MTCL2: variants seen among roughly 807,000 people sequenced by gnomAD.
MTCL2 encodes the protein microtubule crosslinking factor 2, also known as microtubule cross-linking factor 2.
chr20:36,863,029 C>A, the MTCL2 span: 1 of 1,401,486 alleles, frequency 7.1e-7, no homozygotes, highest in Non-Finnish European at 9.3e-7. This position sits in a 1 kb window ranked among gnomAD's most constrained non-coding sequence, Gnocchi z 6.2. Flanking sequence ...GGTCGCGGCC[C>A]CGCACCCGAG....
At chr20:36,838,541 C>G in the MTCL2 span, among the ~76,000 whole-genome samples, 3 of 151,948 alleles carry the variant, frequency 2.0e-5, no homozygotes, top group Non-Finnish European at 4.4e-5. Context: ...GAGCTATGAT[C>G]ACATCACTGC....
chr20:36,833,343 G>A, the MTCL2 span, among the ~76,000 whole-genome samples: 1 of 152,248 alleles, frequency 6.6e-6, no homozygotes, highest in Non-Finnish European at 1.5e-5. Flanking sequence ...ACTAAGGGAG[G>A]CGCGGCAGCT....
the MTCL2 span, among the ~76,000 whole-genome samples, chr20:36,788,555 G>A: frequency 4.6e-5 from 7 of 150,866 alleles, no homozygotes; most frequent in East Asian, 2.0e-4. Flanking sequence ...GGAGAATGGC[G>A]TGAACCTGGG....
At chr20:36,838,884 G>A in the MTCL2 span, among the ~76,000 whole-genome samples, 9 of 152,116 alleles carry the variant, frequency 5.9e-5, no homozygotes, top group East Asian at 1.9e-4. Context: ...AAGAGAAATC[G>A]CTTGATCCCG....
chr20:36,846,267 G>A, the MTCL2 span, among the ~76,000 whole-genome samples: 1 of 150,820 alleles, frequency 6.6e-6, no homozygotes, highest in South Asian at 2.1e-4. Context: ...TCCTCTGCCA[G>A]ACAACAAAAG....
At chr20:36,780,945 G>A in the MTCL2 span, 2 of 152,120 alleles carry the variant, frequency 1.3e-5, no homozygotes, top group African/African-American at 4.8e-5. Context: ...CCCATAATTG[G>A]ATGATAAAAA....
At chr20:36,851,539 T>G in the MTCL2 span, among the ~76,000 whole-genome samples, 1 of 152,180 alleles carries the variant, frequency 6.6e-6, no homozygotes, top group African/African-American at 2.4e-5. Context: ...CCTTGCAGTT[T>G]CCTCTGCCTG....
At chr20:36,792,594 C>A in the MTCL2 span, among the ~76,000 whole-genome samples, 1 of 151,866 alleles carries the variant, frequency 6.6e-6, no homozygotes, top group South Asian at 2.1e-4. Flanking sequence ...CTCTAGCACA[C>A]CACTGGGTGG....
chr20:36,790,010 G>A, the MTCL2 span, among the ~76,000 whole-genome samples: 1 of 47,226 alleles, frequency 2.1e-5, no homozygotes, highest in East Asian at 6.8e-4. Context: ...TTTTTTTTTT[G>A]AGATGGAGTC....
chr20:36,856,795 C>G, the MTCL2 span, among the ~76,000 whole-genome samples: 1 of 152,266 alleles, frequency 6.6e-6, no homozygotes, highest in Non-Finnish European at 1.5e-5. Flanking sequence ...CAGGGAGACA[C>G]AGACCAGGAT....
the MTCL2 span, among the ~76,000 whole-genome samples, chr20:36,838,282 C>T: frequency 2.6e-5 from 4 of 152,208 alleles, no homozygotes; most frequent in East Asian, 7.7e-4. Flanking sequence ...GAGGCCTTCA[C>T]TACTTTTCAT....
the MTCL2 span, among the ~76,000 whole-genome samples, chr20:36,830,892 T>C: frequency 6.6e-6 from 1 of 152,128 alleles, no homozygotes; most frequent in Non-Finnish European, 1.5e-5. Flanking sequence ...AAGGGCATGA[T>C]CGCTGGAGGT....
the MTCL2 span, among the ~76,000 whole-genome samples, chr20:36,830,535 T>C: frequency 2.2e-4 from 33 of 152,128 alleles, no homozygotes; most frequent in Non-Finnish European, 5.9e-5. Context: ...GCCACTGCAC[T>C]CCAGCCTAGG....
the MTCL2 span, among the ~76,000 whole-genome samples, chr20:36,822,195 G>A: frequency 2.0e-5 from 3 of 152,264 alleles, no homozygotes; most frequent in African/African-American, 7.2e-5. Context: ...TGGCTGGGGG[G>A]CTGCACCCCG....
chr20:36,845,405 ACAGT>A, the MTCL2 span, among the ~76,000 whole-genome samples: 3 of 152,246 alleles, frequency 2.0e-5, no homozygotes, highest in Non-Finnish European at 2.9e-5. Flanking sequence ...GCCCTTCACC[ACAGT>A]CAATTTGTGA....
the MTCL2 span, among the ~76,000 whole-genome samples, chr20:36,845,024 AAAG>A: frequency 2.1e-3 from 312 of 149,916 alleles, 2 homozygotes; most frequent in Non-Finnish European, 2.7e-3. Context: ...AAAAAAAAAA[AAAG>A]AAGAAGAAGA....
At chr20:36,799,629 G>A in the MTCL2 span, among the ~76,000 whole-genome samples, 1 of 152,168 alleles carries the variant, frequency 6.6e-6, no homozygotes, top group Non-Finnish European at 1.5e-5. Context: ...GTTGCAGTGA[G>A]CTGAGATGGT....
the MTCL2 span, among the ~76,000 whole-genome samples, chr20:36,833,423 A>G: frequency 7.1e-4 from 108 of 152,346 alleles, no homozygotes; most frequent in African/African-American, 2.4e-3. Context: ...GTCACTGTTT[A>G]CAGCGCTAGG....
the MTCL2 span, chr20:36,812,853 A>G: frequency 6.2e-7 from 1 of 1,609,504 alleles, no homozygotes; most frequent in Admixed American, 1.7e-5. Flanking sequence ...GGCTGCACCC[A>G]GAGGCACAGG....
Sources: gnomAD v4.1 joint callset for allele counts (sites outside exome capture counted in the v4.1 genomes callset) on GRCh38, gnomAD v4.1.1 for gene constraint, Gnocchi (gnomAD v3.1) non-coding constraint, MANE v1.5 for transcripts, NCBI Gene and HGNC (gene_info 2026-07-23, HGNC 2026-07-21) for gene names.